EFR3A: variants seen among roughly 807,000 people sequenced by gnomAD.
The protein encoded by EFR3A is EFR3 homolog A.
EFR3A carries 76 observed loss-of-function variants against 104.4 expected under a neutral mutation model. The ratio of observed to expected loss-of-function variants is 0.73; its 90% CI spans 0.60 to 0.88. EFR3A has a LOEUF of 0.88. EFR3A is among the 40% of genes least tolerant of loss of function. The pLI is 0.00. For synonymous variants in EFR3A, 330 were observed against 330.0 expected (o/e 1.00, Z 0.00); for missense variants, 985 against 1,012.5 (o/e 0.97, Z 0.37).
At chr8:131,965,129 G>A (rs1819627523) in intron 8 of EFR3A, among the ~76,000 whole-genome samples, 3 of 152,058 alleles carry the variant, frequency 2.0e-5, no homozygotes. Flanking sequence ...GAAAACCTAG[G>A]CAATACCATT....
At chr8:131,976,540 A>G (rs1166197709) in intron 11 of EFR3A, among the ~76,000 whole-genome samples, 1 of 152,150 alleles carries the variant, frequency 6.6e-6, no homozygotes, top group Non-Finnish European at 1.5e-5. Flanking sequence ...TATTTTATAC[A>G]TTTAATTGGA....
At chr8:131,925,580 CAA>C (rs1383687467) in intron 1 of EFR3A, among the ~76,000 whole-genome samples, 1 of 151,940 alleles carries the variant, frequency 6.6e-6, no homozygotes, top group African/African-American at 2.4e-5. Context: ...AAAAATGATA[CAA>C]ATATACTGGC....
At chr8:131,953,122 T>C (rs1287356950) in intron 5 of EFR3A, among the ~76,000 whole-genome samples, 2 of 152,110 alleles carry the variant, frequency 1.3e-5, no homozygotes, top group Non-Finnish European at 2.9e-5. Flanking sequence ...TTATTTTCTT[T>C]TGCTTTTTTA....
intron 9 of EFR3A, among the ~76,000 whole-genome samples, chr8:131,968,934 A>G (rs761116237): frequency 6.6e-6 from 1 of 152,202 alleles, no homozygotes; most frequent in South Asian, 2.1e-4. Context: ...CAAATTGTGG[A>G]CATAGTTCTT....
Position 131,984,312 on chromosome 8 carries a change from TAACCGTTCACTGCAGAA to T in EFR3A, c.1737+16_1737+32del. Reference sequence around the variant, plus strand: ...CCATTGCTTTACAGGTATGCTTTCATAACCGTTCACTGCAGAAAACATTTTTTATAAAGCAGACAACA... The same window carrying T: ...CCATTGCTTTACAGGTATGCTTTCATAACATTTTTTATAAAGCAGACAACA... On this transcript the variant is annotated intron_variant, in intron 15 of 22. Transcript: ENST00000254624. The T allele has an allele frequency of 6.5e-7, 1 of 1,546,930 alleles. No homozygotes were observed. Among genetic ancestry groups the T allele is most frequent in the Non-Finnish European group, 8.7e-7 (1 of 1,149,404 alleles).
chr8:132,002,064 C>T (rs973142428), intron 20 of EFR3A, among the ~76,000 whole-genome samples: 6 of 152,186 alleles, frequency 3.9e-5, no homozygotes, highest in Admixed American at 3.9e-4. Flanking sequence ...AATTTACTTT[C>T]TCACAAACTT....
intron 1 of EFR3A, among the ~76,000 whole-genome samples, chr8:131,920,781 C>T (rs186173773): frequency 6.6e-6 from 1 of 152,068 alleles, no homozygotes; most frequent in Non-Finnish European, 1.5e-5. Flanking sequence ...ATCCATGCTC[C>T]ATGCTTCTCG....
In EFR3A at chr8:132,010,407, G is replaced by GATATAT. The variant is rs66644698; in HGVS notation, c.2361-345_2361-340dup. On this transcript the variant is annotated intron_variant, in intron 22 of 22. Coordinates refer to ENST00000254624, the MANE Select transcript of EFR3A (RefSeq NM_015137.6). ...GTTCTCTGGATTAAATCAAGTATGA[G>GATATAT]ATATATATATATATATATATATATA... is the stretch of plus-strand genomic sequence containing the variant. Among the ~76,000 whole-genome samples the GATATAT allele has an allele frequency of 8.2e-3, 669 of 81,626 alleles. 11 individuals are homozygous for GATATAT. The highest frequency in any genetic ancestry group is 0.012 in the Non-Finnish European group (488 of 41,070). The allele number at this position is 81,626 out of a possible 152,430, so 53.5% of individuals were successfully genotyped here. A position where few individuals can be genotyped will look rare whatever the true frequency, so the allele number is the denominator to read the frequency against.
chr8:131,999,306 G>C (rs775743042), intron 19 of EFR3A, among the ~76,000 whole-genome samples: 2 of 152,094 alleles, frequency 1.3e-5, no homozygotes, highest in African/African-American at 2.4e-5. Context: ...GGAGAAACTT[G>C]TGTGTATGCT....
chr8:131,943,079 C>G (rs1223924497), intron 2 of EFR3A, among the ~76,000 whole-genome samples: 24 of 152,052 alleles, frequency 1.6e-4, no homozygotes, highest in Non-Finnish European at 3.5e-4. Flanking sequence ...AAATCCAAAA[C>G]TTTTTGAGCA....
At chr8:131,910,981 G>A (rs896567605) in intron 1 of EFR3A, among the ~76,000 whole-genome samples, 2 of 152,146 alleles carry the variant, frequency 1.3e-5, no homozygotes, top group Admixed American at 1.3e-4. Flanking sequence ...CGGAAGATAG[G>A]ACATGAGTCG....
At chr8:131,991,213 T>C (rs990826062) in intron 18 of EFR3A, among the ~76,000 whole-genome samples, 13 of 152,120 alleles carry the variant, frequency 8.5e-5, no homozygotes, top group Admixed American at 2.0e-4. Context: ...ATGAGACTTA[T>C]TCACTATCAC....
chr8:131,995,273 A>G lies in EFR3A; in HGVS notation c.2066-1133A>G, dbSNP rs578159175. ...AAGGGTTGAATCAGCCTCTAATTCTATATGTTAGAATACACAAAGTGACTT... is the reference window on the plus strand; with the variant it reads ...AAGGGTTGAATCAGCCTCTAATTCTGTATGTTAGAATACACAAAGTGACTT... On this transcript the variant is annotated intron_variant, in intron 18 of 22. Coordinates refer to ENST00000254624, the MANE Select transcript of EFR3A (RefSeq NM_015137.6). Among the ~76,000 whole-genome samples, 16 of 152,240 alleles carry G rather than the reference A, an allele frequency of 1.1e-4. No homozygotes were observed. In the East Asian group the frequency reaches 2.1e-3, roughly 20 times the overall value.
chr8:131,919,106 A>G (rs185214541), intron 1 of EFR3A, among the ~76,000 whole-genome samples: 2 of 151,470 alleles, frequency 1.3e-5, no homozygotes, highest in East Asian at 3.9e-4. Flanking sequence ...TTTAAAGCTT[A>G]GCTAAAAATC....
intron 5 of EFR3A, among the ~76,000 whole-genome samples, chr8:131,951,541 A>G (rs1013739657): frequency 6.6e-6 from 1 of 152,112 alleles, no homozygotes; most frequent in Non-Finnish European, 1.5e-5. Flanking sequence ...AATTTTTTCA[A>G]GATTTTAACG....
chr8:131,919,010 A>T (rs537559478), intron 1 of EFR3A, among the ~76,000 whole-genome samples: 37 of 152,082 alleles, frequency 2.4e-4, no homozygotes, highest in African/African-American at 8.9e-4. Flanking sequence ...TAACAAACTA[A>T]TATTTTTTGA....
At chr8:131,922,612 C>A (rs1817102257) in intron 1 of EFR3A, among the ~76,000 whole-genome samples, 2 of 152,116 alleles carry the variant, frequency 1.3e-5, no homozygotes, top group Non-Finnish European at 2.9e-5. Flanking sequence ...CTTAAAATCA[C>A]ATTTACTGTT....
rs752880730 is a variant in EFR3A, at chr8:131,970,628, A to G, written c.1144A>G (p.Ile382Val). 2.5e-6 allele frequency: 4 copies of G among 1,613,578 alleles called. No individual in the cohort carries two copies. Among genetic ancestry groups the G allele is most frequent in the East Asian group, 4.5e-5 (2 of 44,836 alleles). The stretch of plus-strand genomic sequence containing the variant: ...TGATGAGAAGATTGTGCAGAATGCT[A>G]TCATCCAAACAATAGGTGAGTACAT... ...DNDEKIVQNA[I>V]IQTIGFFGSN... The change falls in exon 10 of 23, where the codon ATC (isoleucine) becomes GTC (valine). Residue 382 changes from isoleucine to valine, a missense_variant. By Grantham distance (29) the Ile-to-Val change is conservative. Transcript: ENST00000254624.
At chr8:131,964,429 CA>C (rs1277263701) in intron 8 of EFR3A, among the ~76,000 whole-genome samples, 2 of 151,708 alleles carry the variant, frequency 1.3e-5, no homozygotes, top group Non-Finnish European at 2.9e-5. Context: ...ACACCAATAA[CA>C]GACAAACAGA....
Sources: allele counts gnomAD v4.1 joint callset (sites outside exome capture counted in the v4.1 genomes callset), GRCh38; gene constraint gnomAD v4.1.1; transcripts MANE v1.5; gene names NCBI Gene and HGNC (gene_info 2026-07-23, HGNC 2026-07-21).